SPINK1: variants seen among roughly 807,000 people sequenced by gnomAD.
SPINK1 encodes the protein serine protease inhibitor Kazal-type 1.
SPINK1 carries 5 observed loss-of-function variants against 9.5 expected under a neutral mutation model. The observed-to-expected ratio is 0.52, with a 90% CI of 0.27 to 1.10. The LOEUF (loss-of-function observed/expected upper bound fraction) is 1.10. Among genes scored for constraint, SPINK1 ranks in the 50% least tolerant of loss-of-function variants. SPINK1 has a pLI of 0.11. For missense variants in SPINK1, 88 were observed against 92.7 expected (o/e 0.95, Z 0.21); for synonymous variants, 37 against 32.3 (o/e 1.14, Z -0.49).
chr5:147,828,034 CAT>C lies in SPINK1; in HGVS notation c.180_181del (p.Cys61PhefsTer2), dbSNP rs1756440917. 1 of 1,612,612 alleles carries C rather than the reference CAT, an allele frequency of 6.2e-7. No homozygotes were observed. The highest frequency in any genetic ancestry group is 1.3e-5 in the African/African-American group (1 of 74,896). ...AGTTTGTACTCACCGATTTTCAAAA[CAT>C]AACACGCATTCATTGGGATAAGTAT... On this transcript the variant is annotated frameshift_variant, in exon 3 of 4. Coordinates refer to ENST00000296695, the MANE Select transcript of SPINK1 (RefSeq NM_001379610.1). LOFTEE classifies it high-confidence loss of function.
chr5:147,831,056 C>T (rs534051687), intron 1 of SPINK1, among the ~76,000 whole-genome samples: 26 of 152,218 alleles, frequency 1.7e-4, no homozygotes, highest in African/African-American at 5.8e-4. Flanking sequence ...ACAAACTATA[C>T]ATGATTCAAG....
At chr5:147,836,145 C>T (rs77171680), upstream of SPINK1, among the ~76,000 whole-genome samples, 8,310 of 152,068 alleles carry the variant, frequency 0.055, 389 homozygotes, top group South Asian at 0.16. Flanking sequence ...TTTTCAAAAG[C>T]TTCTATTCAT....
At chr5:147,834,099 A>G (rs539477297), upstream of SPINK1, among the ~76,000 whole-genome samples, 27 of 152,264 alleles carry the variant, frequency 1.8e-4, no homozygotes, top group African/African-American at 6.5e-4. Context: ...CATTGCACTT[A>G]AAATAATTCC....
chr5:147,838,549 C>T, the SPINK1 span, among the ~76,000 whole-genome samples: 4 of 152,120 alleles, frequency 2.6e-5, no homozygotes, highest in African/African-American at 9.7e-5. Context: ...GTATATGTCT[C>T]CAGACTCTAG....
chr5:147,831,660 C>T lies in SPINK1; in HGVS notation c.-83G>A. ...TTCAGAAGCCTGGGACTGGAAGGGT[C>T]ATATGGCAGATGGCAGCAAGGCCCC... On this transcript the variant is annotated 5_prime_UTR_variant, in exon 1 of 4. The change abolishes an upstream ATG in the 5' untranslated region. Coordinates refer to ENST00000296695, the MANE Select transcript of SPINK1 (RefSeq NM_001379610.1). The T allele has an allele frequency of 6.3e-7, 1 of 1,589,194 alleles. No individual in the cohort carries two copies. Among genetic ancestry groups the T allele is most frequent in the Non-Finnish European group, 8.5e-7 (1 of 1,169,624 alleles).
At chr5:147,831,771 G>T (rs1756513668), upstream of SPINK1, 1 of 1,432,856 alleles carries the variant, frequency 7.0e-7, no homozygotes, top group Non-Finnish European at 9.1e-7. Flanking sequence ...AATGTCACCT[G>T]TGTAAGAAAG....
In SPINK1 at chr5:147,824,610, A is replaced by C; in HGVS notation, c.*51T>G. On this transcript the variant is annotated 3_prime_UTR_variant, in exon 4 of 4. Coordinates refer to ENST00000296695, the MANE Select transcript of SPINK1 (RefSeq NM_001379610.1). ...TATTCAGATACATTTATTCAACAAT[A>C]AGGCCAGTCAGGCCTCGCGGTGACC... 6.4e-7 allele frequency: 1 copy of C among 1,563,604 alleles called. No individual in the cohort carries two copies. The highest frequency in any genetic ancestry group is 8.8e-7 in the Non-Finnish European group (1 of 1,134,528).
rs141634296 is a variant in SPINK1 at position 147,828,022 on chromosome 5, C to T, written c.194G>A (p.Arg65Gln). ...AAAAGAAACTCAAGTTTGTACTCAC[C>T]GATTTTCAAAACATAACACGCATTC... is the stretch of plus-strand genomic sequence containing the variant. ...PNECVLCFEN[R>Q]KRQTSILIQK... The change falls in exon 3 of 4, where the codon CGG becomes CAG. Residue 65 changes from arginine (R) to glutamine (Q), a missense_variant and splice_region_variant. By Grantham distance (43) the Arg-to-Gln change is conservative. Coordinates refer to ENST00000296695, the MANE Select transcript of SPINK1 (RefSeq NM_001379610.1). 7.2e-4 allele frequency: 1,158 copies of T among 1,609,898 alleles called. 1 individual carries two copies. The highest frequency in any genetic ancestry group is 8.9e-4 in the Non-Finnish European group (1,047 of 1,177,434).
At chr5:147,837,669 C>CTT in the SPINK1 span, among the ~76,000 whole-genome samples, 1 of 138,882 alleles carries the variant, frequency 7.2e-6, no homozygotes, top group Non-Finnish European at 1.6e-5. Flanking sequence ...TTCTTTCTTT[C>CTT]TTTCTTTCTT....
Position 147,830,245 on chromosome 5 carries a change from G to A in SPINK1, c.56-615C>T, listed in dbSNP as rs114139234. ...AACAATTGCATCATATGGACTATGG[G>A]TCTAACTCACATTTGTTGAATTTAC... On this transcript the variant is annotated intron_variant, in intron 1 of 3. Transcript: ENST00000296695. Among the ~76,000 whole-genome samples the A allele has an allele frequency of 7.0e-3, 1,071 of 152,240 alleles. 4 individuals carry two copies. The highest frequency in any genetic ancestry group is 0.011 in the Non-Finnish European group (777 of 68,018).
upstream of SPINK1, among the ~76,000 whole-genome samples, chr5:147,835,066 C>T (rs1352314013): frequency 6.6e-6 from 1 of 151,978 alleles, no homozygotes; most frequent in Non-Finnish European, 1.5e-5. Context: ...TAGTTAAAAA[C>T]TGGCCCTAAA....
chr5:147,825,507 C>G lies in SPINK1; in HGVS notation c.195-801G>C, dbSNP rs561879601. Among the ~76,000 whole-genome samples the G allele has an allele frequency of 2.7e-5, 4 of 150,562 alleles. No individual in the cohort carries two copies. The East Asian group carries it at 7.8e-4, about 30-fold the overall frequency. On this transcript the variant is annotated intron_variant, in intron 3 of 3. Transcript: ENST00000296695. ...CCCAGGCTGGAGTGCAGTGGTGTGA[C>G]CTTGGCTCACTGCAGCCTCCACCTC...
chr5:147,838,084 C>T, the SPINK1 span, among the ~76,000 whole-genome samples: 1 of 152,110 alleles, frequency 6.6e-6, no homozygotes, highest in African/African-American at 2.4e-5. Flanking sequence ...GAATGCCTCC[C>T]ATCAGCTCTT....
chr5:147,836,782 T>A, the SPINK1 span, among the ~76,000 whole-genome samples: 3 of 152,204 alleles, frequency 2.0e-5, no homozygotes, highest in Non-Finnish European at 4.4e-5. Flanking sequence ...TTACTCCATC[T>A]TCATTCTCTT....
intron 3 of SPINK1, among the ~76,000 whole-genome samples, chr5:147,824,917 T>C (rs1169463244): frequency 1.3e-5 from 2 of 152,218 alleles, no homozygotes; most frequent in Non-Finnish European, 2.9e-5. Flanking sequence ...ACACTAAGGA[T>C]ACAACAGAAA....
At chr5:147,827,857 TA>T (rs1756436734) in intron 3 of SPINK1, 164 bp downstream of exon 3, 2 of 553,590 alleles carry the variant, frequency 3.6e-6, no homozygotes, top group African/African-American at 1.9e-5. Context: ...TTCTAAAAAA[TA>T]ATATTTAATG....
the SPINK1 span, among the ~76,000 whole-genome samples, chr5:147,838,684 C>T: frequency 3.3e-5 from 5 of 152,138 alleles, no homozygotes; most frequent in African/African-American, 1.2e-4. Flanking sequence ...CTCCAGTTCT[C>T]TTGAGAGCAT....
chr5:147,831,688 C>G (rs978880472), upstream of SPINK1: 1 of 1,550,116 alleles, frequency 6.5e-7, no homozygotes. Flanking sequence ...AAGGCCCCAC[C>G]TACTGGGCTA....
At chr5:147,833,840 C>T (rs77839917), upstream of SPINK1, among the ~76,000 whole-genome samples, 17 of 152,114 alleles carry the variant, frequency 1.1e-4, no homozygotes, top group African/African-American at 3.6e-4. Context: ...TATGACTTGG[C>T]TCCTTTCTAT....
Sources: gnomAD v4.1 joint callset for allele counts (sites outside exome capture counted in the v4.1 genomes callset) on GRCh38, gnomAD v4.1.1 for gene constraint, MANE v1.5 for transcripts, NCBI Gene and HGNC (gene_info 2026-07-23, HGNC 2026-07-21) for gene names.